The following TENM4 variants were observed in gnomAD, a reference collection of about 807,000 sequenced individuals.
The protein encoded by TENM4 is teneurin transmembrane protein 4.
Under a neutral mutation model 243.3 loss-of-function variants are expected in TENM4, and 82 were observed. The observed-to-expected ratio is 0.34, with a 90% CI of 0.28 to 0.40. TENM4 has a LOEUF of 0.40. Among genes scored for constraint, TENM4 ranks in the 10% least tolerant of loss-of-function variants. The pLI is 1.00. For synonymous variants in TENM4, 1,412 were observed against 1,456.3 expected (o/e 0.97, Z 0.69); for missense variants, 3,138 against 3,673.3 (o/e 0.85, Z 3.77).
chr11:78,756,451 G>T (rs766948008), intron 19 of TENM4: 16 of 267,494 alleles, frequency 6.0e-5, no homozygotes, highest in Non-Finnish European at 1.2e-4. Flanking sequence ...CTTTGAGGGT[G>T]AGCAGCATCA....
intron 6 of TENM4, among the ~76,000 whole-genome samples, chr11:78,972,191 T>C (rs1279067923): frequency 6.6e-6 from 1 of 152,156 alleles, no homozygotes; most frequent in Admixed American, 6.5e-5. Flanking sequence ...ATGATGACAG[T>C]TTCTTCCTTG....
chr11:79,225,017 G>A (rs1009002596), intron 2 of TENM4, among the ~76,000 whole-genome samples: 1 of 152,086 alleles, frequency 6.6e-6, no homozygotes, highest in South Asian at 2.1e-4. Context: ...AAGATGCCAG[G>A]TGAAGATGGG....
chr11:78,856,170 T>C lies in TENM4; in HGVS notation c.1264A>G (p.Ser422Gly), dbSNP rs569217502. The change falls in exon 11 of 34, where the codon AGT becomes GGT. Residue 422 changes from serine to glycine, a missense_variant. By Grantham distance (56) the Ser-to-Gly change is moderately conservative. Coordinates refer to ENST00000278550, the MANE Select transcript of TENM4 (RefSeq NM_001098816.3). ...AAACTGTCCTCTGGAAAGAAACTAC[T>C]GGGCTTTCCTACCAAGATAGAGGGA... ...KGKGTTEGKP[S>G]SFFPEDSFID... is the part of the protein sequence containing the mutation. 8.6e-4 allele frequency: 1,329 copies of C among 1,551,398 alleles called. 23 individuals are homozygous for C. In the South Asian group the frequency reaches 0.015, roughly 17 times the overall value.
intron 1 of TENM4, among the ~76,000 whole-genome samples, chr11:79,419,899 G>T (rs1443552432): frequency 1.3e-5 from 2 of 152,130 alleles, no homozygotes; most frequent in African/African-American, 4.8e-5. Context: ...CAAGATACAA[G>T]GTGGGTGCGG....
chr11:78,987,158 C>G (rs12290151), intron 6 of TENM4, among the ~76,000 whole-genome samples: 3,586 of 152,266 alleles, frequency 0.024, 158 homozygotes, highest in African/African-American at 0.082. Context: ...TTCGTATTCT[C>G]AGTCTACTTG....
intron 9 of TENM4, among the ~76,000 whole-genome samples, chr11:78,865,153 C>T (rs1017063461): frequency 6.6e-6 from 1 of 152,186 alleles, no homozygotes; most frequent in African/African-American, 2.4e-5. Context: ...TTATTGAGTA[C>T]TTAATGATAT....
chr11:78,988,849 T>C (rs193240212), intron 6 of TENM4, among the ~76,000 whole-genome samples: 36 of 152,338 alleles, frequency 2.4e-4, no homozygotes, highest in African/African-American at 8.7e-4. Context: ...TAATTTGTTT[T>C]ACTTTTTTGT....
chr11:78,891,574 C>T (rs542416787), intron 7 of TENM4, among the ~76,000 whole-genome samples: 1 of 152,310 alleles, frequency 6.6e-6, no homozygotes, highest in East Asian at 1.9e-4. Flanking sequence ...TGCATCAAAT[C>T]ACAGTTCTCA....
intron 12 of TENM4, among the ~76,000 whole-genome samples, chr11:78,835,013 C>T (rs1355095441): frequency 6.6e-6 from 1 of 152,160 alleles, no homozygotes; most frequent in Non-Finnish European, 1.5e-5. Context: ...CAAAAGTCTG[C>T]TGGCATCTCT....
At chr11:78,780,510 T>C (rs1370833807) in intron 16 of TENM4, among the ~76,000 whole-genome samples, 1 of 152,046 alleles carries the variant, frequency 6.6e-6, no homozygotes, top group Non-Finnish European at 1.5e-5. Context: ...TTCCCAGGGA[T>C]GGCTAGGCTG....
intron 30 of TENM4, among the ~76,000 whole-genome samples, chr11:78,674,630 C>T (rs191472917): frequency 6.7e-4 from 102 of 152,274 alleles, no homozygotes; most frequent in Non-Finnish European, 1.3e-3. Context: ...ATTGAGGACA[C>T]TGCCTCAGAG....
chr11:79,386,092 G>A (rs1010814978), intron 1 of TENM4, among the ~76,000 whole-genome samples: 1 of 152,200 alleles, frequency 6.6e-6, no homozygotes, highest in African/African-American at 2.4e-5. Context: ...TTTAACTGCA[G>A]GAGTCCAGAA....
chr11:79,114,604 G>A (rs1298018358), intron 4 of TENM4, among the ~76,000 whole-genome samples: 1 of 152,164 alleles, frequency 6.6e-6, no homozygotes, highest in Non-Finnish European at 1.5e-5. Flanking sequence ...AGTCACAGAG[G>A]GCCAACACTC....
chr11:79,110,086 AG>A (rs1354508506), intron 4 of TENM4, among the ~76,000 whole-genome samples: 3 of 152,188 alleles, frequency 2.0e-5, no homozygotes, highest in Admixed American at 1.3e-4. Flanking sequence ...CCTTCTATAA[AG>A]TCTTCCCTCA....
intron 1 of TENM4, among the ~76,000 whole-genome samples, chr11:79,362,507 CT>C (rs1857607332): frequency 6.6e-6 from 1 of 152,206 alleles, no homozygotes; most frequent in Non-Finnish European, 1.5e-5. Context: ...AAGACTGATG[CT>C]TTTCCAGGCA....
intron 6 of TENM4, among the ~76,000 whole-genome samples, chr11:79,010,292 A>G (rs11821487): frequency 0.24 from 37,080 of 151,714 alleles, 7,171 homozygotes; most frequent in African/African-American, 0.54. Context: ...AAAGGAACTC[A>G]CTGTTTGCGG....
intron 2 of TENM4, among the ~76,000 whole-genome samples, chr11:79,287,757 C>T (rs1856282251): frequency 6.6e-6 from 1 of 152,168 alleles, no homozygotes; most frequent in African/African-American, 2.4e-5. Context: ...CATCTTTTCA[C>T]TCATCATGAG....
chr11:79,217,567 G>A (rs1288234124), intron 2 of TENM4, among the ~76,000 whole-genome samples: 1 of 152,106 alleles, frequency 6.6e-6, no homozygotes, highest in African/African-American at 2.4e-5. Context: ...GTAAAATTTT[G>A]TTGTCTTCAT....
At chr11:79,030,677 C>T (rs865821080) in intron 6 of TENM4, among the ~76,000 whole-genome samples, 12 of 152,234 alleles carry the variant, frequency 7.9e-5, no homozygotes, top group Middle Eastern at 6.8e-3. Flanking sequence ...TTATGGGCCC[C>T]GTATCCTTCC....
Sources: allele counts gnomAD v4.1 joint callset (sites outside exome capture counted in the v4.1 genomes callset), GRCh38; gene constraint gnomAD v4.1.1; transcripts MANE v1.5; gene names NCBI Gene and HGNC (gene_info 2026-07-23, HGNC 2026-07-21).